TLN2: variants seen among roughly 807,000 people sequenced by gnomAD.
TLN2 encodes the protein talin 2, also known as talin-2.
A neutral mutation model predicts 294.7 loss-of-function variants in TLN2; 118 were observed. That is an observed-to-expected ratio of 0.40 (90% CI 0.34 to 0.47). The LOEUF is 0.47. TLN2 is among the 20% of genes least tolerant of loss of function. The pLI, the probability that TLN2 is intolerant of heterozygous loss-of-function variation, is 0.84. For synonymous variants in TLN2, 1,431 were observed against 1,304.5 expected, an observed-to-expected ratio of 1.10 and a Z score of -2.09; for missense variants, 3,083 against 3,282.2, an observed-to-expected ratio of 0.94 and a Z score of 1.48.
chr15:62,523,001 C>T (rs1030799316), intron 1 of TLN2, among the ~76,000 whole-genome samples: 27 of 152,006 alleles, frequency 1.8e-4, no homozygotes, highest in African/African-American at 6.5e-4. Context: ...CACTCATTCA[C>T]TTCCCTCTTC....
chr15:62,708,899 G>A, intron 21 of TLN2, 103 bp downstream of exon 21: 10 of 1,371,214 alleles, frequency 7.3e-6, no homozygotes, highest in Non-Finnish European at 9.7e-6. Flanking sequence ...GACTGGCAAG[G>A]GCAAGTTCTC....
At chr15:62,660,515 G>A (rs908185167) in intron 9 of TLN2, among the ~76,000 whole-genome samples, 1 of 152,186 alleles carries the variant, frequency 6.6e-6, no homozygotes, top group African/African-American at 2.4e-5. Flanking sequence ...CTACATGACA[G>A]TTTTCCTCAG....
chr15:62,664,694 A>G (rs902206954), intron 9 of TLN2, among the ~76,000 whole-genome samples: 2 of 151,664 alleles, frequency 1.3e-5, no homozygotes, highest in African/African-American at 4.9e-5. Flanking sequence ...CCCTGTCTCT[A>G]CTACAGATAC....
chr15:62,650,707 C>T (rs2052491923), intron 5 of TLN2, among the ~76,000 whole-genome samples: 1 of 152,172 alleles, frequency 6.6e-6, no homozygotes. Flanking sequence ...TTTTGTTCAG[C>T]TTAACCTCCA....
Position 62,711,939 on chromosome 15 carries a change from G to A in TLN2, c.2496G>A (p.Leu832=). 6.2e-7 allele frequency: 1 copy of A among 1,612,506 alleles called. No homozygotes were observed. Among genetic ancestry groups the A allele is most frequent in the East Asian group, 2.2e-5 (1 of 44,836 alleles). Residue 832 remains leucine, a synonymous_variant, in exon 22 of 59, where the codon CTG becomes CTA. Coordinates refer to ENST00000636159, the MANE Select transcript of TLN2 (RefSeq NM_015059.3). ...AGEMVRQARV[L]AQATSDLVNA... Reference sequence around the variant, plus strand: ...AAATGGTGCGCCAGGCGCGGGTTCTGGCCCAAGCCACATCAGACCTCGTCA... The same window carrying A: ...AAATGGTGCGCCAGGCGCGGGTTCTAGCCCAAGCCACATCAGACCTCGTCA...
intron 1 of TLN2, among the ~76,000 whole-genome samples, chr15:62,423,279 T>TG (rs2034517732): frequency 6.6e-6 from 1 of 152,014 alleles, no homozygotes; most frequent in Non-Finnish European, 1.5e-5. Context: ...CCCAGCTACT[T>TG]GGGGGGCTGA....
At chr15:62,435,315 G>T (rs904050924) in intron 1 of TLN2, among the ~76,000 whole-genome samples, 2 of 152,100 alleles carry the variant, frequency 1.3e-5, no homozygotes, top group Admixed American at 1.3e-4. Context: ...TGGTATTTCT[G>T]CCTCCAGATC....
chr15:62,504,624 T>C (rs1032789824), intron 1 of TLN2, among the ~76,000 whole-genome samples: 3 of 152,200 alleles, frequency 2.0e-5, no homozygotes, highest in African/African-American at 4.8e-5. Context: ...GGTATCCATA[T>C]GGAAAAAAGT....
At chr15:62,772,910 C>T (rs1393437642) in intron 42 of TLN2, among the ~76,000 whole-genome samples, 1 of 152,074 alleles carries the variant, frequency 6.6e-6, no homozygotes, top group Non-Finnish European at 1.5e-5. Context: ...GTGATCCATC[C>T]TCCTCAGCCT....
intron 1 of TLN2, among the ~76,000 whole-genome samples, chr15:62,475,039 G>T (rs1024562427): frequency 6.6e-6 from 1 of 152,100 alleles, no homozygotes; most frequent in African/African-American, 2.4e-5. Context: ...GGACCTTTGG[G>T]GAAATAGAGC....
chr15:62,513,867 C>T (rs182166498), intron 1 of TLN2, among the ~76,000 whole-genome samples: 1 of 152,336 alleles, frequency 6.6e-6, no homozygotes, highest in East Asian at 1.9e-4. Flanking sequence ...GGTGTAAAAG[C>T]CTGTAGCCTT....
At chr15:62,455,727 C>G (rs578098650) in intron 1 of TLN2, among the ~76,000 whole-genome samples, 1 of 152,186 alleles carries the variant, frequency 6.6e-6, no homozygotes. Flanking sequence ...CTCTAACACC[C>G]TCTCTCCCTT....
rs368062762 is a variant in TLN2, at chr15:62,833,612, C to T, written c.7111C>T (p.Leu2371=). The T allele has an allele frequency of 4.3e-6, 7 of 1,613,988 alleles. No homozygotes were observed. The highest frequency in any genetic ancestry group is 5.9e-6 in the Non-Finnish European group (7 of 1,179,952). ...VKSASAAQRE[L]VAQGKVGSIP... ...ATCGGCCTCAGCAGCCCAGAGGGAG[C>T]TGGTGGCCCAAGGAAAGGTGGGTAA... is the stretch of plus-strand genomic sequence containing the variant. Residue 2371 remains leucine (L), a synonymous_variant, in exon 55 of 59, where the codon CTG becomes TTG. Transcript: ENST00000636159.
Position 62,459,438 on chromosome 15 carries a change from G to A in TLN2, c.-238+68753G>A, listed in dbSNP as rs568744437. On this transcript the variant is annotated intron_variant, in intron 1 of 58. Transcript: ENST00000636159. The stretch of plus-strand genomic sequence containing the variant: ...GGGCTGTGTCTTATAAATCAGTAAC[G>A]ATACCTGTATACTATTCCTCAAGCC... Among the ~76,000 whole-genome samples the A allele has an allele frequency of 8.6e-5, 13 of 151,516 alleles. No homozygotes were observed. The South Asian group carries it at 2.5e-3, about 29-fold the overall frequency.
chr15:62,595,412 C>CAAAAA (rs35989710), intron 2 of TLN2, among the ~76,000 whole-genome samples: 8 of 82,120 alleles, frequency 9.7e-5, no homozygotes, highest in East Asian at 3.2e-4. Context: ...GACTCCGTCT[C>CAAAAA]AAAAAAAAAA....
chr15:62,719,345 A>G (rs2059980248), intron 24 of TLN2, among the ~76,000 whole-genome samples: 1 of 152,224 alleles, frequency 6.6e-6, no homozygotes. Context: ...CAAAGCACTT[A>G]CATGCACTGG....
At chr15:62,624,702 T>C (rs1446629057) in intron 3 of TLN2, among the ~76,000 whole-genome samples, 1 of 152,230 alleles carries the variant, frequency 6.6e-6, no homozygotes, top group Admixed American at 6.5e-5. Context: ...TAGTCCATTC[T>C]GTGATGTCAA....
At chr15:62,780,652 C>T (rs189695751) in intron 43 of TLN2, among the ~76,000 whole-genome samples, 1 of 152,272 alleles carries the variant, frequency 6.6e-6, no homozygotes, top group East Asian at 1.9e-4. Context: ...TTCTATTCCC[C>T]GATTGTGCTC....
intron 3 of TLN2, among the ~76,000 whole-genome samples, chr15:62,631,577 T>G (rs540556410): frequency 9.9e-6 from 1 of 101,348 alleles, no homozygotes; most frequent in Non-Finnish European, 2.2e-5. Flanking sequence ...CTTTCCTTTC[T>G]TTCTCTCTCT....
Sources: allele counts gnomAD v4.1 joint callset (sites outside exome capture counted in the v4.1 genomes callset), GRCh38; gene constraint gnomAD v4.1.1; transcripts MANE v1.5; gene names NCBI Gene and HGNC (gene_info 2026-07-23, HGNC 2026-07-21).